DCP2: variants seen among roughly 807,000 people sequenced by gnomAD.
DCP2 encodes decapping mRNA 2, also known as m7GpppN-mRNA hydrolase.
A neutral mutation model predicts 56.1 loss-of-function variants in DCP2; 30 were observed. The observed-to-expected ratio is 0.53, with a 90% CI of 0.40 to 0.73. DCP2 has a LOEUF of 0.73. DCP2 is among the 30% of genes least tolerant of loss of function. The pLI is 0.00. For synonymous variants in DCP2, 197 were observed against 163.3 expected (o/e 1.21, Z -1.57); for missense variants, 533 against 502.7 (o/e 1.06, Z -0.58).
intron 1 of DCP2, chr5:112,984,686 TAAAAAAAA>T (rs60727810): frequency 3.4e-5 from 3 of 89,482 alleles, no homozygotes; most frequent in African/African-American, 1.6e-4. Context: ...ATTTCTTAAT[TAAAAAAAA>T]AAAAAAAAAA....
intron 1 of DCP2, among the ~76,000 whole-genome samples, chr5:112,985,588 TG>T (rs1319324006): frequency 2.0e-5 from 3 of 152,230 alleles, no homozygotes; most frequent in Non-Finnish European, 4.4e-5. Flanking sequence ...AGCTGATCTC[TG>T]TACTTGTGAA....
intron 3 of DCP2, 72 bp from the exon 4 acceptor site, chr5:112,992,600 A>G: frequency 1.8e-6 from 2 of 1,120,294 alleles, no homozygotes; most frequent in Non-Finnish European, 2.6e-6. Flanking sequence ...AAGGAGAAAA[A>G]TGCCTTTGAT....
chr5:113,008,119 G>C lies in DCP2; in HGVS notation c.1047+77G>C, dbSNP rs1044534317. On this transcript the variant is annotated intron_variant, in intron 9 of 10. Transcript: ENST00000389063. ...AAACAAGGGCATTGCCAAAGCACAGGAATGTTACTTGTTTTGTTCTTATTT... is the reference window on the plus strand; with the variant it reads ...AAACAAGGGCATTGCCAAAGCACAGCAATGTTACTTGTTTTGTTCTTATTT... 6.7e-6 allele frequency: 8 copies of C among 1,202,568 alleles called. No individual in the cohort carries two copies. The African/African-American group carries it at 1.2e-4, about 18-fold the overall frequency. 74.5% of individuals were successfully genotyped at this position (1,202,568 alleles called of 1,614,324 possible).
At chr5:113,001,905 A>C (rs546757930) in intron 7 of DCP2, among the ~76,000 whole-genome samples, 1 of 152,294 alleles carries the variant, frequency 6.6e-6, no homozygotes, top group African/African-American at 2.4e-5. Context: ...TATACTCAAG[A>C]GGATACCAAC....
chr5:112,979,870 C>T (rs1253692598), intron 1 of DCP2, among the ~76,000 whole-genome samples: 1 of 152,042 alleles, frequency 6.6e-6, no homozygotes, highest in East Asian at 1.9e-4. Context: ...TCCCTTGGTG[C>T]CTTTTGTGAA....
At chr5:112,994,060 G>T (rs1748727958) in intron 4 of DCP2, among the ~76,000 whole-genome samples, 1 of 151,196 alleles carries the variant, frequency 6.6e-6, no homozygotes, top group Admixed American at 6.6e-5. Context: ...GCCTCCCAAA[G>T]TGCTGGGATT....
intron 10 of DCP2, 34 bp from the exon 11 acceptor site, chr5:113,013,286 AC>A: frequency 4.4e-6 from 7 of 1,590,448 alleles, no homozygotes; most frequent in Non-Finnish European, 6.0e-6. Context: ...TACTAAGGTT[AC>A]TGAGCTTATT....
chr5:112,976,832 C>A lies in DCP2; in HGVS notation c.-102C>A. 1 of 1,269,050 alleles carries A rather than the reference C, an allele frequency of 7.9e-7. No individual in the cohort carries two copies. The highest frequency in any genetic ancestry group is 1.2e-6 in the Non-Finnish European group (1 of 865,364). The allele number at this position is 1,269,050 out of a possible 1,614,324, so 78.6% of individuals were successfully genotyped here. On this transcript the variant is annotated 5_prime_UTR_variant, in exon 1 of 11. Coordinates refer to ENST00000389063, the MANE Select transcript of DCP2 (RefSeq NM_152624.6). ...GTTGGAGTCGTCTCTGCCGCGGCTT[C>A]CTCGGCTGCCAGCTCTCCGGCGAGC...
Position 113,013,524 on chromosome 5 carries a change from C to T in DCP2, c.*40C>T, listed in dbSNP as rs747157076. 2.5e-6 allele frequency: 4 copies of T among 1,606,680 alleles called. No homozygotes were observed. The highest frequency in any genetic ancestry group is 2.6e-6 in the Non-Finnish European group (3 of 1,175,882). ...TTGTAAATGTCCCAGGATCAGAGAC[C>T]TGTTGAATTTGAGTGGGTGTCTCCT... On this transcript the variant is annotated 3_prime_UTR_variant, in exon 11 of 11. Transcript: ENST00000389063.
chr5:112,980,346 G>C (rs1396984044), intron 1 of DCP2, among the ~76,000 whole-genome samples: 2 of 152,206 alleles, frequency 1.3e-5, no homozygotes, highest in Non-Finnish European at 2.9e-5. Context: ...CTATTTTGGT[G>C]ATAGCGTAGG....
At chr5:112,993,900 A>G (rs919060283) in intron 4 of DCP2, among the ~76,000 whole-genome samples, 1 of 151,870 alleles carries the variant, frequency 6.6e-6, no homozygotes, top group Non-Finnish European at 1.5e-5. Flanking sequence ...ACATACAATT[A>G]TTTTTGGTGT....
At chr5:112,996,109 T>A (rs147896132) in intron 4 of DCP2, among the ~76,000 whole-genome samples, 2 of 152,194 alleles carry the variant, frequency 1.3e-5, no homozygotes, top group Admixed American at 6.5e-5. Flanking sequence ...CTTCAACATA[T>A]GAATTTTTTT....
intron 4 of DCP2, among the ~76,000 whole-genome samples, chr5:112,999,762 T>A (rs1034313266): frequency 2.0e-5 from 3 of 151,442 alleles, no homozygotes; most frequent in Non-Finnish European, 4.4e-5. Context: ...ACTGAGTAAC[T>A]AGAAAAACAG....
chr5:113,008,305 TTC>T, intron 9 of DCP2: 1 of 291,562 alleles, frequency 3.4e-6, no homozygotes, highest in Non-Finnish European at 6.3e-6. Context: ...CTCAAACCTG[TTC>T]TCTAGAGCAA....
intron 4 of DCP2, among the ~76,000 whole-genome samples, chr5:112,995,069 T>C (rs1305399746): frequency 2.0e-5 from 3 of 152,208 alleles, no homozygotes; most frequent in Non-Finnish European, 4.4e-5. Flanking sequence ...TGGTGGTTTA[T>C]TATAGAAAAA....
intron 8 of DCP2, among the ~76,000 whole-genome samples, chr5:113,006,192 A>T (rs1749428953): frequency 6.6e-6 from 1 of 152,148 alleles, no homozygotes; most frequent in African/African-American, 2.4e-5. Flanking sequence ...TGCTAAGTGC[A>T]ATAAGCCAGA....
chr5:113,004,432 A>G (rs183086112), intron 8 of DCP2, among the ~76,000 whole-genome samples: 1 of 152,294 alleles, frequency 6.6e-6, no homozygotes, highest in African/African-American at 2.4e-5. Context: ...TTCGATTTTC[A>G]TTGTTGTATT....
chr5:112,990,203 T>C (rs1748516079), intron 2 of DCP2, among the ~76,000 whole-genome samples: 1 of 152,196 alleles, frequency 6.6e-6, no homozygotes, highest in Non-Finnish European at 1.5e-5. Context: ...GAAGACTGCA[T>C]ACTTTGATAA....
intron 4 of DCP2, among the ~76,000 whole-genome samples, chr5:112,997,095 G>T (rs1748895025): frequency 6.6e-6 from 1 of 152,156 alleles, no homozygotes; most frequent in Non-Finnish European, 1.5e-5. Context: ...TTGGGATTTG[G>T]CTATTAGCTC....
Sources: allele counts gnomAD v4.1 joint callset (sites outside exome capture counted in the v4.1 genomes callset), GRCh38; gene constraint gnomAD v4.1.1; transcripts MANE v1.5; gene names NCBI Gene and HGNC (gene_info 2026-07-23, HGNC 2026-07-21).